PEAK1: variants seen among roughly 807,000 people sequenced by gnomAD.
The protein encoded by PEAK1 is inactive tyrosine-protein kinase PEAK1.
PEAK1 carries 54 observed loss-of-function variants against 124.7 expected under a neutral mutation model. The observed-to-expected ratio is 0.43, with a 90% CI of 0.35 to 0.54. The LOEUF (loss-of-function observed/expected upper bound fraction) is 0.54, where lower values mean the gene tolerates loss of function less well. Ranked by LOEUF, PEAK1 falls within the 20% of genes least tolerant of loss-of-function variation. PEAK1 has a pLI of 0.01. For synonymous variants in PEAK1, 719 were observed against 760.0 expected (o/e 0.95, Z 0.89); for missense variants, 2,046 against 2,134.5 (o/e 0.96, Z 0.82).
At chr15:77,243,296 T>C (rs754761159) in intron 6 of PEAK1, among the ~76,000 whole-genome samples, 1 of 152,234 alleles carries the variant, frequency 6.6e-6, no homozygotes, top group Non-Finnish European at 1.5e-5. Context: ...GCAACTCATA[T>C]CTGATTTATA....
In PEAK1 at chr15:77,133,573, T is replaced by C. The variant is rs773112275; in HGVS notation, c.3509A>G (p.Lys1170Arg). 1 of 1,614,056 alleles carries C rather than the reference T, an allele frequency of 6.2e-7. No homozygotes were observed. The highest frequency in any genetic ancestry group is 8.5e-7 in the Non-Finnish European group (1 of 1,180,034). ...ACTTTCCATGGATTTTTGGAGGTCC[T>C]TGGAGATTGGCTCTGTATTGGCTCT... ...IIRANTEPIS[K>R]DLQKSMESSL... The change falls in exon 9 of 10, where the codon AAG becomes AGG. Residue 1170 changes from lysine (K) to arginine (R), a missense_variant. Physicochemically the swap from Lys to Arg is conservative, Grantham distance 26. Transcript: ENST00000682557. This position sits in a 1 kb window ranked among gnomAD's most constrained non-coding sequence, Gnocchi z 4.2.
chr15:77,117,837 T>A (rs2051533439), intron 9 of PEAK1, among the ~76,000 whole-genome samples: 1 of 152,190 alleles, frequency 6.6e-6, no homozygotes, highest in African/African-American at 2.4e-5. Flanking sequence ...GAGAAGGTAT[T>A]CTAATTGTGA....
intron 2 of PEAK1, chr15:77,333,557 A>C: frequency 5.6e-6 from 5 of 891,712 alleles, no homozygotes; most frequent in Non-Finnish European, 6.7e-6. Context: ...ACATTTCCTT[A>C]TGTTTTTATT....
chr15:77,366,600 G>C (rs2068256401), intron 1 of PEAK1, among the ~76,000 whole-genome samples: 2 of 151,980 alleles, frequency 1.3e-5, no homozygotes, highest in African/African-American at 4.8e-5. Flanking sequence ...CTGTCACCTA[G>C]GCTGGAGTAC....
chr15:77,341,362 T>G (rs1337545802), intron 2 of PEAK1, among the ~76,000 whole-genome samples: 2 of 152,022 alleles, frequency 1.3e-5, no homozygotes, highest in Non-Finnish European at 2.9e-5. Context: ...CAGCTGGGCA[T>G]AGTGGCACGT....
chr15:77,380,185 C>A (rs567776825), intron 1 of PEAK1, among the ~76,000 whole-genome samples: 85 of 152,192 alleles, frequency 5.6e-4, no homozygotes, highest in African/African-American at 2.0e-3. Flanking sequence ...TCAATACTGG[C>A]CTGGGAGCTA....
intron 8 of PEAK1, chr15:77,157,879 T>C (rs190394865): frequency 6.6e-6 from 1 of 152,472 alleles, no homozygotes; most frequent in Non-Finnish European, 1.5e-5. Flanking sequence ...GCCTGCAGGA[T>C]GGATGTTTTA....
At chr15:77,279,924 G>A (rs190283993) in intron 5 of PEAK1, among the ~76,000 whole-genome samples, 3 of 152,270 alleles carry the variant, frequency 2.0e-5, no homozygotes, top group Non-Finnish European at 4.4e-5. Context: ...TTAGATGTAG[G>A]GAGAGATTTT....
chr15:77,214,069 T>C (rs955747256), intron 6 of PEAK1, among the ~76,000 whole-genome samples: 9 of 152,202 alleles, frequency 5.9e-5, no homozygotes, highest in Non-Finnish European at 1.0e-4. Context: ...ACTTACCATG[T>C]TGTTTTTGAG....
intron 8 of PEAK1, among the ~76,000 whole-genome samples, chr15:77,142,500 T>C (rs1006243177): frequency 1.3e-5 from 2 of 152,208 alleles, no homozygotes; most frequent in Non-Finnish European, 2.9e-5. Context: ...ACCAAAACTT[T>C]ATATGCAAAT....
chr15:77,199,992 A>G (rs2058285403), intron 6 of PEAK1, among the ~76,000 whole-genome samples: 1 of 152,236 alleles, frequency 6.6e-6, no homozygotes, highest in Non-Finnish European at 1.5e-5. Context: ...TTTTAGAGAA[A>G]TAAAATAGCA....
intron 9 of PEAK1, among the ~76,000 whole-genome samples, chr15:77,131,620 T>C (rs2052867739): frequency 6.6e-6 from 1 of 152,262 alleles, no homozygotes; most frequent in African/African-American, 2.4e-5. Context: ...GAAAAAGATC[T>C]TAATCTCATA....
At chr15:77,366,332 C>A (rs1427628819) in intron 1 of PEAK1, among the ~76,000 whole-genome samples, 6 of 152,140 alleles carry the variant, frequency 3.9e-5, no homozygotes, top group African/African-American at 1.2e-4. Context: ...GAGAAAAAAA[C>A]AACCCTGCTG....
At chr15:77,313,652 ATGTGTGTGTGTGTGTG>A (rs775220459) in intron 2 of PEAK1, among the ~76,000 whole-genome samples, 1 of 90,602 alleles carries the variant, frequency 1.1e-5, no homozygotes, top group Non-Finnish European at 2.2e-5. Flanking sequence ...GTATGTATGT[ATGTGTGTGTGTGTGTG>A]TGTGTGTGTG....
intron 8 of PEAK1, among the ~76,000 whole-genome samples, chr15:77,152,776 T>C (rs1429095825): frequency 2.0e-5 from 3 of 152,196 alleles, no homozygotes; most frequent in African/African-American, 7.2e-5. Flanking sequence ...GTTCTGTTTA[T>C]ATGCTGGATT....
At chr15:77,366,500 TATAAC>T (rs1170898135) in intron 1 of PEAK1, among the ~76,000 whole-genome samples, 4 of 151,970 alleles carry the variant, frequency 2.6e-5, no homozygotes, top group Admixed American at 6.6e-5. Flanking sequence ...AATAATGTAA[TATAAC>T]AGGCATTTTT....
chr15:77,119,189 C>A (rs2051681739), intron 9 of PEAK1, among the ~76,000 whole-genome samples: 1 of 152,220 alleles, frequency 6.6e-6, no homozygotes, highest in Non-Finnish European at 1.5e-5. Context: ...AGAAGCCCAT[C>A]CTGGGCACAG....
rs1567147880 is a variant in PEAK1 at position 77,234,812 on chromosome 15, A to AAT, written c.-115+17553_-115+17554dup. On this transcript the variant is annotated intron_variant, in intron 6 of 9. Coordinates refer to ENST00000682557, the MANE Select transcript of PEAK1 (RefSeq NM_001385026.1). ...CACCATGTCCAGCTAATTAAAAAAA[A>AAT]ATATATATATTTTTTTGAGACAGGG... Among the ~76,000 whole-genome samples the AAT allele has an allele frequency of 2.0e-5, 3 of 151,936 alleles. No homozygotes were observed. In the East Asian group the frequency reaches 5.8e-4, roughly 29 times the overall value.
chr15:77,114,180 A>G lies in PEAK1; in HGVS notation c.5217T>C (p.Ile1739=). ...AFATTDSLSC[I]VKILQHR Reference sequence around the variant, plus strand: ...ATTAACGGTGCTGCAGAATTTTCACAATACAACTGAGGGAGTCTGTAGTGG... The same window carrying G: ...ATTAACGGTGCTGCAGAATTTTCACGATACAACTGAGGGAGTCTGTAGTGG... The change falls in exon 10 of 10, where the codon ATT becomes ATC. Residue 1739 remains isoleucine (I), a synonymous_variant. Transcript: ENST00000682557. 6.2e-7 allele frequency: 1 copy of G among 1,614,124 alleles called. No homozygotes were observed.
Sources: gnomAD v4.1 joint callset for allele counts (sites outside exome capture counted in the v4.1 genomes callset) on GRCh38, gnomAD v4.1.1 for gene constraint, Gnocchi (gnomAD v3.1) non-coding constraint, MANE v1.5 for transcripts, NCBI Gene and HGNC (gene_info 2026-07-23, HGNC 2026-07-21) for gene names.